The following TNS2 variants were observed in gnomAD, a reference collection of about 807,000 sequenced individuals.
TNS2 encodes tensin 2.
TNS2 carries 77 observed loss-of-function variants against 155.7 expected under a neutral mutation model. The ratio of observed to expected loss-of-function variants is 0.49; its 90% CI spans 0.41 to 0.60. TNS2 has a LOEUF of 0.60. TNS2 is among the 20% of genes least tolerant of loss of function. The pLI is 0.00. For synonymous variants in TNS2, 726 were observed against 763.9 expected (o/e 0.95, Z 0.82); for missense variants, 1,703 against 1,868.8 (o/e 0.91, Z 1.64).
chr12:53,051,812 G>C (rs754140649), intron 1 of TNS2, 43 bp from the exon 2 acceptor site: 2 of 1,494,146 alleles, frequency 1.3e-6, no homozygotes, highest in South Asian at 2.3e-5. Context: ...ATGGAGATGG[G>C]CCCACTGGGA....
At chr12:53,047,227 G>A (rs1177528951), upstream of TNS2, among the ~76,000 whole-genome samples, 3 of 139,794 alleles carry the variant, frequency 2.1e-5, no homozygotes, top group Non-Finnish European at 4.7e-5. Flanking sequence ...GAGCCCAGCC[G>A]AGCCCGGCCG....
chr12:53,053,147 T>TTA, intron 3 of TNS2: 1 of 493,454 alleles, frequency 2.0e-6, no homozygotes, highest in Admixed American at 3.3e-5. Context: ...TGGCTCTATA[T>TTA]ATAACTCCTG....
In TNS2 at chr12:53,055,287, A is replaced by T. The variant is rs144903739; in HGVS notation, c.573+51A>T. 1.0e-4 allele frequency: 164 copies of T among 1,583,920 alleles called. 1 individual carries two copies. The East Asian group carries it at 3.2e-3, about 31-fold the overall frequency. ...CATTAAACCAAGCCACCCCAACCCC[A>T]GAAGCCCCCAGCTTCCTCGTTATTA... On this transcript the variant is annotated intron_variant, in intron 8 of 28. Transcript: ENST00000314250.
rs746525214 is a variant in TNS2 at position 53,055,171 on chromosome 12, C to T, written c.523-15C>T. The T allele has an allele frequency of 1.2e-6, 2 of 1,613,912 alleles. No individual in the cohort carries two copies. Among genetic ancestry groups the T allele is most frequent in the Non-Finnish European group, 1.7e-6 (2 of 1,179,920 alleles). ...GGAGATCATTTCTGTCTAAAGCCCT[C>T]CCCCTTTATTTCAGCTCTTCAACCT... On this transcript the variant is annotated splice_polypyrimidine_tract_variant and intron_variant, in intron 7 of 28. Transcript: ENST00000314250.
Position 53,061,822 on chromosome 12 carries a change from C to A in TNS2, c.3456C>A (p.Ala1152=), listed in dbSNP as rs543982129. ...CTACCCCTCACCCTGCAGCCATTGC[C>A]CTGCTGAAGGACAAGGACCCTGGGG... is the stretch of plus-strand genomic sequence containing the variant. ...KPHLSRDQAI[A]LLKDKDPGAF... The change falls in exon 22 of 29, where the codon GCC becomes GCA. Residue 1152 remains alanine (A), a synonymous_variant. Transcript: ENST00000314250. The A allele has an allele frequency of 1.2e-6, 2 of 1,612,716 alleles. No homozygotes were observed. The highest frequency in any genetic ancestry group is 1.7e-5 in the Admixed American group (1 of 59,906).
rs142117616 is a variant in TNS2, at chr12:53,055,968, C to T, written c.761+123C>T. On this transcript the variant is annotated intron_variant, in intron 10 of 28. Coordinates refer to ENST00000314250, the MANE Select transcript of TNS2 (RefSeq NM_170754.4). ...AGAGTCCTTTGCTGTCAGCTTAGCA[C>T]TTCCACCTCCCTTTTATCACTAGTA... The T allele has an allele frequency of 4.1e-4, 399 of 970,140 alleles. 2 individuals are homozygous for T. The African/African-American group carries it at 5.9e-3, about 14-fold the overall frequency. 60.1% of individuals were successfully genotyped at this position (970,140 alleles called of 1,614,324 possible).
intron 10 of TNS2, 89 bp downstream of exon 10, chr12:53,055,934 T>C: frequency 7.1e-7 from 1 of 1,403,082 alleles, no homozygotes; most frequent in Non-Finnish European, 9.7e-7. Flanking sequence ...GGAGCCCACC[T>C]CTTCGTTGAG....
intron 20 of TNS2, 43 bp downstream of exon 20, chr12:53,061,307 C>A: frequency 1.9e-6 from 3 of 1,608,360 alleles, no homozygotes; most frequent in Non-Finnish European, 2.5e-6. Flanking sequence ...TGAGAGAACC[C>A]TTTCTCCTGG....
intron 8 of TNS2, 86 bp downstream of exon 8, chr12:53,055,322 A>G: frequency 6.9e-7 from 1 of 1,451,282 alleles, no homozygotes; most frequent in African/African-American, 1.4e-5. Flanking sequence ...AATAGTAGCA[A>G]TTGGCATCTA....
chr12:53,049,701 C>T (rs369548225), upstream of TNS2, among the ~76,000 whole-genome samples: 83 of 152,224 alleles, frequency 5.5e-4, 3 homozygotes, highest in East Asian at 9.7e-3. Context: ...GGAAGTCCCT[C>T]GAGAGCTTGA....
intron 11 of TNS2, 74 bp downstream of exon 11, chr12:53,057,170 C>G: frequency 6.8e-7 from 1 of 1,465,008 alleles, no homozygotes; most frequent in South Asian, 1.2e-5. Flanking sequence ...CTCTCTTATT[C>G]ATGCAGCACA....
upstream of TNS2, chr12:53,049,348 T>G (rs1943840695): frequency 4.0e-6 from 4 of 1,008,786 alleles, no homozygotes. Flanking sequence ...ATCTGTGAGA[T>G]CATGTCTGAA....
intron 14 of TNS2, 57 bp downstream of exon 14, chr12:53,058,159 G>GT: frequency 9.3e-6 from 15 of 1,612,564 alleles, no homozygotes; most frequent in Non-Finnish European, 1.3e-5. Flanking sequence ...GGTTGGTGGT[G>GT]TAACGGCACA....
intron 1 of TNS2, among the ~76,000 whole-genome samples, chr12:53,051,046 T>C (rs1482629920): frequency 1.3e-5 from 2 of 152,130 alleles, no homozygotes; most frequent in Admixed American, 1.3e-4. Flanking sequence ...GGGAAGGGAC[T>C]GAGATAGGCC....
At chr12:53,053,306 C>T in intron 3 of TNS2, 105 bp from the exon 4 acceptor site, 5 of 1,345,584 alleles carry the variant, frequency 3.7e-6, no homozygotes, top group Non-Finnish European at 5.3e-6. Flanking sequence ...TGCCCATCCA[C>T]TGAAGGCCCC....
At position 53,050,192 on chromosome 12, in the gene TNS2, T is replaced by G; in HGVS notation, c.7T>G (p.Ser3Ala). 1 of 1,610,946 alleles carries G rather than the reference T, an allele frequency of 6.2e-7. No homozygotes were observed. MK[S>A]SGPVERLLRA... ...CCCCAGCCAGCCGAACACCATGAAG[T>G]CCAGCGGCCCTGTGGAGAGGCTGCT... is the stretch of plus-strand genomic sequence containing the variant. Residue 3 changes from serine to alanine, a missense_variant, in exon 1 of 29, where the codon TCC becomes GCC. Ser to Ala is a moderately conservative substitution (Grantham distance 99). Coordinates refer to ENST00000314250, the MANE Select transcript of TNS2 (RefSeq NM_170754.4). The surrounding 1 kb of genome is among the most constrained non-coding windows in gnomAD (Gnocchi z 4.7).
intron 17 of TNS2, 49 bp downstream of exon 17, chr12:53,058,876 CT>C: frequency 1.9e-6 from 3 of 1,598,808 alleles, no homozygotes; most frequent in African/African-American, 2.7e-5. Context: ...TGGCGGGACC[CT>C]GGGGGGTGGT....
chr12:53,059,024 C>T lies in TNS2; in HGVS notation c.1406-23C>T, dbSNP rs749856357. On this transcript the variant is annotated intron_variant, in intron 17 of 28. Transcript: ENST00000314250. This position sits in a 1 kb window ranked among gnomAD's most constrained non-coding sequence, Gnocchi z 4.7. ...TCCCTGTTCCCCGCTTGCCCTCCCTCCCTGATCCTCTTCCCCACTCAGGCT... is the reference window on the plus strand; with the variant it reads ...TCCCTGTTCCCCGCTTGCCCTCCCTTCCTGATCCTCTTCCCCACTCAGGCT... 1 of 1,538,846 alleles carries T rather than the reference C, an allele frequency of 6.5e-7. No homozygotes were observed. Among genetic ancestry groups the T allele is most frequent in the Non-Finnish European group, 8.8e-7 (1 of 1,142,636 alleles).
At chr12:53,057,521 C>A in intron 11 of TNS2, 46 bp from the exon 12 acceptor site, 1 of 1,418,834 alleles carries the variant, frequency 7.0e-7, no homozygotes, top group South Asian at 1.2e-5. Flanking sequence ...ACAAGGTGAC[C>A]TCCAGAGGAA....
Sources: gnomAD v4.1 joint callset for allele counts (sites outside exome capture counted in the v4.1 genomes callset) on GRCh38, gnomAD v4.1.1 for gene constraint, Gnocchi (gnomAD v3.1) non-coding constraint, MANE v1.5 for transcripts, NCBI Gene and HGNC (gene_info 2026-07-23, HGNC 2026-07-21) for gene names.